RUNX2: variants seen among roughly 807,000 people sequenced by gnomAD.
RUNX2 encodes runt-related transcription factor 2.
A neutral mutation model predicts 51.7 loss-of-function variants in RUNX2; 10 were observed. That is an observed-to-expected ratio of 0.19 (90% CI 0.12 to 0.33). RUNX2 has a LOEUF of 0.33. Among genes scored for constraint, RUNX2 ranks in the 10% least tolerant of loss-of-function variants. The probability of loss-of-function intolerance (pLI) is 1.00; values close to 1 mark genes in which losing one functional copy is unlikely to be tolerated. For missense variants in RUNX2, 562 were observed against 691.3 expected, an observed-to-expected ratio of 0.81 and a Z score of 2.10; for synonymous variants, 276 against 273.6, an observed-to-expected ratio of 1.01 and a Z score of -0.09.
At chr6:45,462,034 A>G (rs1455499085) in intron 5 of RUNX2, among the ~76,000 whole-genome samples, 1 of 152,196 alleles carries the variant, frequency 6.6e-6, no homozygotes, top group East Asian at 1.9e-4. Flanking sequence ...TGTGACCCTC[A>G]TACAAACAAA....
intron 2 of RUNX2, among the ~76,000 whole-genome samples, chr6:45,406,497 C>T (rs1016904357): frequency 7.2e-5 from 11 of 152,216 alleles, no homozygotes; most frequent in Non-Finnish European, 1.6e-4. Context: ...TCACTGCAAC[C>T]TCTGCCTCCC....
chr6:45,463,576 G>C (rs1376982673), intron 5 of RUNX2, among the ~76,000 whole-genome samples: 4 of 152,134 alleles, frequency 2.6e-5, no homozygotes, highest in African/African-American at 9.7e-5. Context: ...GTGTAAGTAT[G>C]ATAATGTAAA....
At chr6:45,346,785 T>C (rs1031864918) in intron 2 of RUNX2, among the ~76,000 whole-genome samples, 1 of 152,102 alleles carries the variant, frequency 6.6e-6, no homozygotes, top group Non-Finnish European at 1.5e-5. Context: ...CAGGCTGGTC[T>C]CAAACTTGAC....
At chr6:45,383,244 C>T (rs1797278855) in intron 2 of RUNX2, among the ~76,000 whole-genome samples, 1 of 151,926 alleles carries the variant, frequency 6.6e-6, no homozygotes, top group Admixed American at 6.6e-5. Context: ...CCAGCCTGGC[C>T]AACATAACGA....
At chr6:45,545,368 T>G in intron 8 of RUNX2, 86 bp downstream of exon 8, 1 of 1,415,606 alleles carries the variant, frequency 7.1e-7, no homozygotes. Flanking sequence ...TGAGTTTTGT[T>G]AACTATATGT....
intron 6 of RUNX2, among the ~76,000 whole-genome samples, chr6:45,501,491 G>C (rs1800800359): frequency 6.6e-6 from 1 of 152,164 alleles, no homozygotes; most frequent in Admixed American, 6.5e-5. Flanking sequence ...AGCTTGGAAA[G>C]GTCCCTTCTA....
At chr6:45,352,715 TA>T (rs1426743146) in intron 2 of RUNX2, among the ~76,000 whole-genome samples, 2 of 152,042 alleles carry the variant, frequency 1.3e-5, no homozygotes, top group African/African-American at 4.8e-5. Flanking sequence ...ACTGTAGAAA[TA>T]ATTTCTTTAA....
intron 2 of RUNX2, among the ~76,000 whole-genome samples, chr6:45,383,711 A>G (rs566146626): frequency 6.6e-6 from 1 of 152,204 alleles, no homozygotes; most frequent in Non-Finnish European, 1.5e-5. Context: ...TCTCCAAAGT[A>G]TTTTCATTGA....
intron 5 of RUNX2, among the ~76,000 whole-genome samples, chr6:45,445,173 T>C (rs1381312273): frequency 2.0e-5 from 3 of 152,022 alleles, no homozygotes; most frequent in African/African-American, 7.2e-5. Flanking sequence ...TACAAGTGTG[T>C]GCCACCACAC....
intron 7 of RUNX2, among the ~76,000 whole-genome samples, chr6:45,525,570 G>A (rs1417564660): frequency 1.3e-5 from 2 of 152,180 alleles, no homozygotes; most frequent in Non-Finnish European, 2.9e-5. Context: ...GTTTCTTTAA[G>A]CGTGAACTGA....
chr6:45,374,036 T>C (rs1796449244), intron 2 of RUNX2, among the ~76,000 whole-genome samples: 1 of 152,342 alleles, frequency 6.6e-6, no homozygotes, highest in Non-Finnish European at 1.5e-5. Context: ...AGTAAGACGA[T>C]AATTTTTAAA....
intron 2 of RUNX2, among the ~76,000 whole-genome samples, chr6:45,338,797 G>C (rs1029265211): frequency 6.6e-6 from 1 of 151,994 alleles, no homozygotes; most frequent in African/African-American, 2.4e-5. Flanking sequence ...CTATTTCTCT[G>C]GATGAGACAA....
chr6:45,424,140 C>T (rs935332345), intron 3 of RUNX2, among the ~76,000 whole-genome samples: 5 of 152,216 alleles, frequency 3.3e-5, no homozygotes, highest in African/African-American at 4.8e-5. Context: ...TGTGCCTGCC[C>T]GGCCCGTTAG....
chr6:45,354,087 A>G (rs1792635268), intron 2 of RUNX2, among the ~76,000 whole-genome samples: 1 of 152,166 alleles, frequency 6.6e-6, no homozygotes, highest in Non-Finnish European at 1.5e-5. Context: ...CTTGATAGAA[A>G]TACATTAGTT....
At chr6:45,399,246 AG>A (rs1335375661) in intron 2 of RUNX2, among the ~76,000 whole-genome samples, 1 of 151,866 alleles carries the variant, frequency 6.6e-6, no homozygotes, top group Non-Finnish European at 1.5e-5. Context: ...CATTGGAGGC[AG>A]AGAGAATTGC....
intron 6 of RUNX2, among the ~76,000 whole-genome samples, chr6:45,505,351 C>T (rs1005499547): frequency 6.6e-6 from 1 of 151,488 alleles, no homozygotes; most frequent in African/African-American, 2.4e-5. Context: ...GTTCATTTTC[C>T]TGGGATGCCT....
In RUNX2 at chr6:45,438,105, G is replaced by A. The variant is rs1358991934; in HGVS notation, c.685+54G>A. On this transcript the variant is annotated intron_variant, in intron 5 of 8. Coordinates refer to ENST00000647337, the MANE Select transcript of RUNX2 (RefSeq NM_001024630.4). ...GTAATAGAGTTTCCAGAGACCCTAT[G>A]AGGAATTTATTCCAAATGAGTTAGT... The A allele has an allele frequency of 5.2e-6, 6 of 1,150,556 alleles. 2 individuals are homozygous for A. In the South Asian group the frequency reaches 6.1e-5, roughly 12 times the overall value. The allele number at this position is 1,150,556 out of a possible 1,614,324, so 71.3% of individuals were successfully genotyped here.
chr6:45,525,862 C>T (rs754672723), intron 7 of RUNX2, among the ~76,000 whole-genome samples: 6 of 151,670 alleles, frequency 4.0e-5, no homozygotes, highest in African/African-American at 4.8e-5. Context: ...GGGGGTGGTG[C>T]GTGCCTGTAG....
At chr6:45,479,738 CA>C (rs1303958764) in intron 5 of RUNX2, among the ~76,000 whole-genome samples, 1 of 152,034 alleles carries the variant, frequency 6.6e-6, no homozygotes, top group Admixed American at 6.5e-5. Flanking sequence ...TTTTGAAAAA[CA>C]AAAAAAGGTT....
Sources: gnomAD v4.1 joint callset for allele counts (sites outside exome capture counted in the v4.1 genomes callset) on GRCh38, gnomAD v4.1.1 for gene constraint, MANE v1.5 for transcripts, NCBI Gene and HGNC (gene_info 2026-07-23, HGNC 2026-07-21) for gene names.